ZC3H18: variants seen among roughly 807,000 people sequenced by gnomAD.
ZC3H18 encodes zinc finger CCCH-type containing 18, also known as zinc finger CCCH domain-containing protein 18.
Under a neutral mutation model 106.1 loss-of-function variants are expected in ZC3H18, and 8 were observed. The ratio of observed to expected loss-of-function variants is 0.08; its 90% CI spans 0.04 to 0.14. The LOEUF is 0.14. Ranked by LOEUF, ZC3H18 falls within the 10% of genes least tolerant of loss-of-function variation. ZC3H18 has a pLI of 1.00. For missense variants in ZC3H18, 1,318 were observed against 1,278.4 expected (o/e 1.03, Z -0.47); for synonymous variants, 635 against 522.1 (o/e 1.22, Z -2.95).
intron 1 of ZC3H18, among the ~76,000 whole-genome samples, chr16:88,575,167 CAA>C (rs11366365): frequency 1.4e-4 from 20 of 146,976 alleles, no homozygotes; most frequent in East Asian, 3.9e-4. Context: ...CCATTAACAG[CAA>C]AAAAAAAAAA....
At position 88,577,614 on chromosome 16, in the gene ZC3H18, G is replaced by C; in HGVS notation, c.491G>C (p.Arg164Thr). The change falls in exon 2 of 18, where the codon AGG (arginine) becomes ACG (threonine). Residue 164 changes from arginine (R) to threonine (T), a missense_variant. Arg to Thr is a moderately conservative substitution (Grantham distance 71, BLOSUM62 -1). Transcript: ENST00000301011. ...GAGGAGAAAGGCGAAGGCACTCCCAGGGAGGAGGGGAAGGCTGGTGTTCAG... is the reference window on the plus strand; with the variant it reads ...GAGGAGAAAGGCGAAGGCACTCCCACGGAGGAGGGGAAGGCTGGTGTTCAG... ...DDEEKGEGTP[R>T]EEGKAGVQSV... 6.2e-7 allele frequency: 1 copy of C among 1,613,902 alleles called. No homozygotes were observed. The highest frequency in any genetic ancestry group is 8.5e-7 in the Non-Finnish European group (1 of 1,179,994).
intron 2 of ZC3H18, among the ~76,000 whole-genome samples, chr16:88,584,072 A>T (rs905880219): frequency 6.6e-6 from 1 of 152,140 alleles, no homozygotes. Context: ...TGATTTGTTT[A>T]TTTATTTTGG....
chr16:88,582,469 G>A (rs1031067738), intron 2 of ZC3H18, among the ~76,000 whole-genome samples: 8 of 151,984 alleles, frequency 5.3e-5, no homozygotes, highest in African/African-American at 1.7e-4. Context: ...TGATCCACCC[G>A]CCTTTTATGT....
intron 3 of ZC3H18, chr16:88,587,421 A>G: frequency 1.3e-6 from 1 of 763,304 alleles, no homozygotes; most frequent in East Asian, 2.7e-5. Context: ...TTCCCCTTGG[A>G]AAGGTAGGAA....
At chr16:88,583,910 C>T (rs961236432) in intron 2 of ZC3H18, among the ~76,000 whole-genome samples, 2 of 152,180 alleles carry the variant, frequency 1.3e-5, no homozygotes, top group Non-Finnish European at 2.9e-5. Flanking sequence ...AGAAGGCCAT[C>T]GGCGTGAGGG....
intron 1 of ZC3H18, among the ~76,000 whole-genome samples, chr16:88,573,841 G>C (rs1914562331): frequency 6.6e-6 from 1 of 151,884 alleles, no homozygotes; most frequent in Non-Finnish European, 1.5e-5. Context: ...GAATGGATTG[G>C]TTGGTTTGTA....
At chr16:88,586,709 C>T in intron 3 of ZC3H18, 25 bp downstream of exon 3, 1 of 1,607,008 alleles carries the variant, frequency 6.2e-7, no homozygotes. Flanking sequence ...GTGAGGCCTT[C>T]TCGCAGCCAG....
At chr16:88,600,738 C>T (rs1220525805) in intron 6 of ZC3H18, among the ~76,000 whole-genome samples, 1 of 152,188 alleles carries the variant, frequency 6.6e-6, no homozygotes, top group East Asian at 1.9e-4. Flanking sequence ...TTTAAAAATC[C>T]TGTCTTAACA....
At chr16:88,605,273 G>C (rs957239607) in intron 6 of ZC3H18, among the ~76,000 whole-genome samples, 3 of 152,268 alleles carry the variant, frequency 2.0e-5, no homozygotes, top group Non-Finnish European at 2.9e-5. Flanking sequence ...CACAGACTCA[G>C]GGCAGATGGA....
intron 6 of ZC3H18, among the ~76,000 whole-genome samples, chr16:88,604,522 TA>T (rs1412902077): frequency 6.6e-6 from 1 of 151,326 alleles, no homozygotes; most frequent in African/African-American, 2.4e-5. Context: ...CCATCTCTAC[TA>T]AAAATACAAA....
intron 2 of ZC3H18, among the ~76,000 whole-genome samples, chr16:88,585,017 C>T (rs376106645): frequency 1.3e-4 from 20 of 152,280 alleles, no homozygotes; most frequent in South Asian, 4.1e-4. Flanking sequence ...TAGAATACCA[C>T]GTTGAGATTT....
chr16:88,571,966 A>G (rs951709282), intron 1 of ZC3H18, among the ~76,000 whole-genome samples: 1 of 152,240 alleles, frequency 6.6e-6, no homozygotes, highest in African/African-American at 2.4e-5. Flanking sequence ...CTTCTTTGCC[A>G]GAATCTCTTT....
At chr16:88,595,270 G>GAGGGGCCGCCTCCGCCCC (rs977013545) in intron 3 of ZC3H18, among the ~76,000 whole-genome samples, 5 of 152,276 alleles carry the variant, frequency 3.3e-5, no homozygotes, top group Admixed American at 1.3e-4. Context: ...TTCAGCAGTG[G>GAGGGGCCGCCTCCGCCCC]AGGGGCCGCC....
chr16:88,598,540 G>C (rs1479660716), intron 4 of ZC3H18, 80 bp from the exon 5 acceptor site: 19 of 1,487,240 alleles, frequency 1.3e-5, no homozygotes, highest in Non-Finnish European at 1.7e-5. Flanking sequence ...TTGTGTTGTA[G>C]TTGATGTTTT....
intron 3 of ZC3H18, among the ~76,000 whole-genome samples, chr16:88,596,438 G>A (rs918132474): frequency 1.3e-5 from 2 of 151,962 alleles, no homozygotes; most frequent in South Asian, 4.2e-4. Context: ...TCAGGAGTTC[G>A]AGACCAGCCT....
At chr16:88,624,232 T>A (rs1213808334) in intron 11 of ZC3H18, 170 bp downstream of exon 11, 3 of 890,970 alleles carry the variant, frequency 3.4e-6, no homozygotes, top group Non-Finnish European at 5.0e-6. Flanking sequence ...ACAGCTCCTG[T>A]TCTCACGGGC....
At chr16:88,609,159 C>A (rs1254676296) in intron 7 of ZC3H18, 108 bp downstream of exon 7, 5 of 830,552 alleles carry the variant, frequency 6.0e-6, no homozygotes, top group African/African-American at 3.5e-5. Flanking sequence ...CTTATAGAGC[C>A]AGCACAATGT....
intron 17 of ZC3H18, 135 bp from the exon 18 acceptor site, chr16:88,630,966 C>T (rs1016462084): frequency 1.8e-6 from 2 of 1,117,382 alleles, no homozygotes; most frequent in Admixed American, 4.0e-5. Flanking sequence ...CAGTGGGAGC[C>T]TGGCCATCCA....
In ZC3H18 at chr16:88,577,020, G is replaced by C. The variant is rs1914793253; in HGVS notation, c.-14-90G>C. On this transcript the variant is annotated intron_variant, in intron 1 of 17. Coordinates refer to ENST00000301011, the MANE Select transcript of ZC3H18 (RefSeq NM_144604.4). Reference sequence around the variant, plus strand: ...GGGCCGTGTGGGACCAAGCAGGATGGAAGTCCTGCTGCTTCAGGCCAGGAA... The same window carrying C: ...GGGCCGTGTGGGACCAAGCAGGATGCAAGTCCTGCTGCTTCAGGCCAGGAA... 15 of 1,361,258 alleles carry C rather than the reference G, an allele frequency of 1.1e-5. No homozygotes were observed. The East Asian group carries it at 2.4e-4, about 22-fold the overall frequency. The allele number at this position is 1,361,258 out of a possible 1,614,324, so 84.3% of individuals were successfully genotyped here. A position where few individuals can be genotyped will look rare whatever the true frequency, so the allele number is the denominator to read the frequency against.
Sources: gnomAD v4.1 joint callset for allele counts (sites outside exome capture counted in the v4.1 genomes callset) on GRCh38, gnomAD v4.1.1 for gene constraint, MANE v1.5 for transcripts, NCBI Gene and HGNC (gene_info 2026-07-23, HGNC 2026-07-21) for gene names.